PPP2R2B: variants seen among roughly 807,000 people sequenced by gnomAD.
PPP2R2B encodes the protein serine/threonine-protein phosphatase 2A 55 kDa regulatory subunit B beta isoform.
PPP2R2B carries 5 observed loss-of-function variants against 46.0 expected under a neutral mutation model. The observed-to-expected ratio is 0.11, with a 90% CI of 0.06 to 0.23. PPP2R2B has a LOEUF of 0.23. PPP2R2B is among the 10% of genes least tolerant of loss of function. The pLI is 1.00. For missense variants in PPP2R2B, 367 were observed against 575.0 expected (o/e 0.64, Z 3.70); for synonymous variants, 215 against 206.7 (o/e 1.04, Z -0.34).
At chr5:146,699,950 C>T (rs954071312) in intron 3 of PPP2R2B, among the ~76,000 whole-genome samples, 2 of 152,064 alleles carry the variant, frequency 1.3e-5, no homozygotes, top group Admixed American at 6.5e-5. Flanking sequence ...ACCACATTTT[C>T]GTGTTTCCAG....
intron 2 of PPP2R2B, among the ~76,000 whole-genome samples, chr5:146,859,001 C>G (rs961785591): frequency 6.6e-6 from 1 of 152,148 alleles, no homozygotes; most frequent in Admixed American, 6.5e-5. Flanking sequence ...AGAGAGTCAG[C>G]AAGCAGATGC....
chr5:146,715,293 A>G (rs1055623171), intron 2 of PPP2R2B, among the ~76,000 whole-genome samples: 2 of 152,178 alleles, frequency 1.3e-5, no homozygotes. Flanking sequence ...CAGTATGACT[A>G]CAGGTAGAGA....
chr5:146,970,788 T>C (rs973079623), intron 1 of PPP2R2B, among the ~76,000 whole-genome samples: 2 of 152,028 alleles, frequency 1.3e-5, no homozygotes, highest in East Asian at 3.9e-4. Flanking sequence ...AATTGAGGAG[T>C]TGCCCCGTAA....
intron 5 of PPP2R2B, among the ~76,000 whole-genome samples, chr5:146,689,098 G>C (rs1778676866): frequency 6.6e-6 from 1 of 151,958 alleles, no homozygotes; most frequent in South Asian, 2.1e-4. Context: ...ATCAGTAGGG[G>C]GTAATAATAG....
chr5:146,665,105 C>T (rs1260476101), intron 5 of PPP2R2B, among the ~76,000 whole-genome samples: 5 of 152,142 alleles, frequency 3.3e-5, no homozygotes, highest in African/African-American at 1.2e-4. Context: ...GGTAAGTGAA[C>T]ATTAGCTTCA....
intron 7 of PPP2R2B, among the ~76,000 whole-genome samples, chr5:146,602,664 G>A (rs1436375337): frequency 7.9e-5 from 12 of 152,192 alleles, no homozygotes; most frequent in African/African-American, 1.4e-4. Flanking sequence ...GAATTAAACC[G>A]TGAACTAAGC....
chr5:146,811,079 C>T (rs959093768), intron 2 of PPP2R2B, among the ~76,000 whole-genome samples: 2 of 152,210 alleles, frequency 1.3e-5, no homozygotes, highest in African/African-American at 2.4e-5. Context: ...TCTCAGCTCA[C>T]TGCAACCTCC....
chr5:146,878,859 G>A, upstream of PPP2R2B: 1 of 1,196,764 alleles, frequency 8.4e-7, no homozygotes, highest in Non-Finnish European at 1.1e-6. The surrounding 1 kb of genome is among the most constrained non-coding windows in gnomAD (Gnocchi z 4.5). Flanking sequence ...CCGAGGCAGA[G>A]GCTGCGGCTG....
intron 2 of PPP2R2B, among the ~76,000 whole-genome samples, chr5:146,842,564 G>T (rs1012448197): frequency 2.0e-5 from 3 of 151,004 alleles, no homozygotes; most frequent in Non-Finnish European, 4.4e-5. Context: ...TGCCGTGGGG[G>T]TTTGTTACAT....
chr5:146,866,655 C>T (rs1761328757), intron 2 of PPP2R2B, among the ~76,000 whole-genome samples: 1 of 152,032 alleles, frequency 6.6e-6, no homozygotes, highest in African/African-American at 2.4e-5. Flanking sequence ...CATATATATG[C>T]ACACAGAGGC....
intron 1 of PPP2R2B, among the ~76,000 whole-genome samples, chr5:146,977,375 T>A (rs1316570914): frequency 6.6e-6 from 1 of 151,052 alleles, no homozygotes; most frequent in Non-Finnish European, 1.5e-5. Flanking sequence ...TCTTTTAATA[T>A]TATTATTATT....
intron 1 of PPP2R2B, among the ~76,000 whole-genome samples, chr5:146,964,841 T>C (rs1405265269): frequency 6.6e-6 from 1 of 152,128 alleles, no homozygotes; most frequent in African/African-American, 2.4e-5. Flanking sequence ...TCCTATATTT[T>C]TAAGGGAGTT....
At chr5:147,055,801 T>G in exon 1 of PPP2R2B, 1 of 1,550,776 alleles carries the variant, frequency 6.4e-7, no homozygotes, top group Non-Finnish European at 8.7e-7. Context: ...TCCATAAGGA[T>G]TCTCTCGGCC....
chr5:146,891,299 G>C (rs1292556076), intron 1 of PPP2R2B, among the ~76,000 whole-genome samples: 1 of 152,200 alleles, frequency 6.6e-6, no homozygotes, highest in Non-Finnish European at 1.5e-5. Context: ...TCCACTTGTA[G>C]AGTAGTTGTA....
intron 5 of PPP2R2B, among the ~76,000 whole-genome samples, chr5:146,690,314 G>A (rs543590655): frequency 1.5e-4 from 23 of 152,236 alleles, no homozygotes; most frequent in Non-Finnish European, 2.2e-4. Flanking sequence ...TTAAAAGATC[G>A]CTTTGAGAAA....
chr5:146,819,001 C>A (rs887496073), intron 2 of PPP2R2B, among the ~76,000 whole-genome samples: 1 of 152,280 alleles, frequency 6.6e-6, no homozygotes, highest in Non-Finnish European at 1.5e-5. Context: ...AACAGATGGC[C>A]TTCTCTGCAT....
At chr5:146,676,330 A>G (rs1581848832) in intron 5 of PPP2R2B, among the ~76,000 whole-genome samples, 1 of 152,068 alleles carries the variant, frequency 6.6e-6, no homozygotes, top group East Asian at 1.9e-4. Context: ...CCTTAACAAG[A>G]CCTATGGTGC....
At chr5:146,709,756 A>G (rs1200645674) in intron 2 of PPP2R2B, among the ~76,000 whole-genome samples, 1 of 152,228 alleles carries the variant, frequency 6.6e-6, no homozygotes, top group Non-Finnish European at 1.5e-5. Context: ...AGAATGGGAC[A>G]ATATCTTTGA....
At chr5:146,993,265 C>T (rs963578586) in intron 1 of PPP2R2B, among the ~76,000 whole-genome samples, 4 of 135,028 alleles carry the variant, frequency 3.0e-5, no homozygotes, top group Non-Finnish European at 6.4e-5. Context: ...TTTTTTGAGA[C>T]AGGGTCTCGC....
Sources: allele counts gnomAD v4.1 joint callset (sites outside exome capture counted in the v4.1 genomes callset), GRCh38; gene constraint gnomAD v4.1.1; non-coding constraint Gnocchi (gnomAD v3.1); transcripts MANE v1.5; gene names NCBI Gene and HGNC (gene_info 2026-07-23, HGNC 2026-07-21).